ANKRD17: variants seen among roughly 807,000 people sequenced by gnomAD.
ANKRD17 encodes ankyrin repeat domain-containing protein 17.
A neutral mutation model predicts 229.7 loss-of-function variants in ANKRD17; 19 were observed. The observed-to-expected ratio is 0.08, with a 90% CI of 0.06 to 0.12. ANKRD17 has a LOEUF of 0.12. ANKRD17 is among the 10% of genes least tolerant of loss of function. ANKRD17 has a pLI of 1.00. For missense variants in ANKRD17, 2,176 were observed against 3,176.8 expected (o/e 0.68, Z 7.57); for synonymous variants, 1,112 against 1,146.1 (o/e 0.97, Z 0.60).
Position 73,115,924 on chromosome 4 carries a change from AT to A in ANKRD17, c.4189-9del, listed in dbSNP as rs1182845176. The A allele has an allele frequency of 1.2e-6, 2 of 1,610,330 alleles. No homozygotes were observed. The highest frequency in any genetic ancestry group is 1.7e-6 in the Non-Finnish European group (2 of 1,177,152). On this transcript the variant is annotated splice_polypyrimidine_tract_variant and intron_variant, in intron 22 of 33. Transcript: ENST00000358602. ...CACCACCTTCACATGACCCTAAAAA[AT>A]AGATATCAATGTCAGATTGAAAACA...
intron 28 of ANKRD17, 24 bp from the exon 29 acceptor site, chr4:73,092,324 AG>A (rs1170778826): frequency 1.3e-6 from 2 of 1,562,978 alleles, no homozygotes; most frequent in African/African-American, 2.7e-5. Flanking sequence ...AAAAAAAATT[AG>A]GTAGAATTTT....
At position 73,075,880 on chromosome 4, in the gene ANKRD17, G is replaced by A. The variant is rs1481808021; in HGVS notation, c.*351C>T. ...TGCCATTCTAAAACTTCAGGATCAA[G>A]TTTACATAATTTTGCTAAATTTCCG... On this transcript the variant is annotated 3_prime_UTR_variant, in exon 34 of 34. Transcript: ENST00000358602. 2 of 185,744 alleles carry A rather than the reference G, an allele frequency of 1.1e-5. No homozygotes were observed. Among genetic ancestry groups the A allele is most frequent in the African/African-American group, 2.3e-5 (1 of 42,650 alleles). 11.5% of individuals were successfully genotyped at this position (185,744 alleles called of 1,614,324 possible).
intron 16 of ANKRD17, among the ~76,000 whole-genome samples, chr4:73,128,221 A>G (rs1260801279): frequency 6.6e-6 from 1 of 152,272 alleles, no homozygotes. Context: ...ACTGGTAGAT[A>G]TGTGCTTTAA....
rs765257404 is a variant in ANKRD17 at position 73,097,284 on chromosome 4, A to G, written c.5022-12T>C. On this transcript the variant is annotated splice_polypyrimidine_tract_variant and intron_variant, in intron 26 of 33. Transcript: ENST00000358602. Reference sequence around the variant, plus strand: ...TAGTTTCTGACAATCTTTAACAAAGAGAGGGAAAGTACATTAAATATGGAA... The same window carrying G: ...TAGTTTCTGACAATCTTTAACAAAGGGAGGGAAAGTACATTAAATATGGAA... 6.4e-7 allele frequency: 1 copy of G among 1,569,284 alleles called. No homozygotes were observed. The highest frequency in any genetic ancestry group is 1.2e-5 in the South Asian group (1 of 82,430).
chr4:73,140,314 C>G (rs1478878889), intron 14 of ANKRD17, 31 bp from the exon 15 acceptor site: 2 of 1,541,520 alleles, frequency 1.3e-6, no homozygotes. Flanking sequence ...CTCAGAAGTG[C>G]ACATGAATGG....
intron 1 of ANKRD17, among the ~76,000 whole-genome samples, chr4:73,241,051 C>G (rs1300509845): frequency 6.6e-6 from 1 of 151,900 alleles, no homozygotes; most frequent in Non-Finnish European, 1.5e-5. Context: ...GCTCAGGCAA[C>G]CCGCCCACCT....
In ANKRD17 at chr4:73,091,796, G is replaced by T. The variant is rs1179958967; in HGVS notation, c.5832C>A (p.His1944Gln). 9 of 1,614,206 alleles carry T rather than the reference G, an allele frequency of 5.6e-6. No homozygotes were observed. The highest frequency in any genetic ancestry group is 4.4e-5 in the South Asian group (4 of 91,086). ...TCTGATTGCTATGGCGAGGCACCATGTGAGGCTTAGGCGAGTTAGTAGCTC... is the reference window on the plus strand; with the variant it reads ...TCTGATTGCTATGGCGAGGCACCATTTGAGGCTTAGGCGAGTTAGTAGCTC... ...PARATNSPKP[H>Q]MVPRHSNQNS... The change falls in exon 29 of 34, where the codon CAC (histidine) becomes CAA (glutamine). Residue 1944 changes from histidine (H) to glutamine (Q), a missense_variant. His to Gln is a conservative substitution (Grantham distance 24). This residue lies in a region of ANKRD17 where 142 missense variants were observed against 200.4 expected (regional missense o/e 0.71). Coordinates refer to ENST00000358602, the MANE Select transcript of ANKRD17 (RefSeq NM_032217.5).
At chr4:73,146,129 A>G (rs1198273886) in intron 10 of ANKRD17, among the ~76,000 whole-genome samples, 2 of 152,102 alleles carry the variant, frequency 1.3e-5, no homozygotes, top group Non-Finnish European at 2.9e-5. Flanking sequence ...GGCTTCACTC[A>G]TAACATTTTT....
At chr4:73,108,762 G>A (rs1216776851) in intron 24 of ANKRD17, among the ~76,000 whole-genome samples, 2 of 152,110 alleles carry the variant, frequency 1.3e-5, no homozygotes, top group African/African-American at 4.8e-5. Flanking sequence ...TGAAAGCGGC[G>A]GTTCAGGGAT....
At chr4:73,087,956 GA>G (rs368311218) in intron 29 of ANKRD17, among the ~76,000 whole-genome samples, 61 of 150,474 alleles carry the variant, frequency 4.1e-4, no homozygotes, top group East Asian at 2.0e-3. Flanking sequence ...CAAAAGAGAG[GA>G]AAAAAAAGGA....
At position 73,171,908 on chromosome 4, in the gene ANKRD17, G is replaced by A. The variant is rs181075856; in HGVS notation, c.547+5472C>T. On this transcript the variant is annotated intron_variant, in intron 2 of 33. Coordinates refer to ENST00000358602, the MANE Select transcript of ANKRD17 (RefSeq NM_032217.5). ...AAAAGAATAAAAAAGAATGAAGCAT[G>A]CCTACAAGATCCAGAAAACAGCCTC... Among the ~76,000 whole-genome samples the A allele has an allele frequency of 3.5e-3, 535 of 152,232 alleles. 1 individual carries two copies. The highest frequency in any genetic ancestry group is 6.6e-3 in the South Asian group (32 of 4,830).
In ANKRD17 at chr4:73,115,913, G is replaced by T; in HGVS notation, c.4192C>A (p.His1398Asn). 6.2e-7 allele frequency: 1 copy of T among 1,612,952 alleles called. No homozygotes were observed. Residue 1398 changes from histidine (H) to asparagine (N), a missense_variant, in exon 23 of 34, where the codon CAT becomes AAT. By Grantham distance (68) the His-to-Asn change is moderately conservative. Transcript: ENST00000358602. ...TPLMAAFRKG[H>N]VKVVRYLVKE... is the part of the protein sequence containing the mutation. ...ACTAAGTAGCGCACCACCTTCACATGACCCTAAAAAATAGATATCAATGTC... is the reference window on the plus strand; with the variant it reads ...ACTAAGTAGCGCACCACCTTCACATTACCCTAAAAAATAGATATCAATGTC...
intron 26 of ANKRD17, among the ~76,000 whole-genome samples, chr4:73,097,608 A>G (rs2110203285): frequency 6.6e-6 from 1 of 152,090 alleles, no homozygotes; most frequent in Non-Finnish European, 1.5e-5. Flanking sequence ...TAATTAAAAA[A>G]AAAAATTATT....
Position 73,135,230 on chromosome 4 carries a change from G to T in ANKRD17, c.3121C>A (p.Pro1041Thr). ...ATGGATGCAGCAATACTGTGGGTAGGAGTGTTTGACATTGCAGATGCTCTT... is the reference window on the plus strand; with the variant it reads ...ATGGATGCAGCAATACTGTGGGTAGTAGTGTTTGACATTGCAGATGCTCTT... Reference protein sequence around the residue: ...SGRASAMSNTPTHSIAASISQ... With the variant: ...SGRASAMSNTTTHSIAASISQ... Residue 1041 changes from proline to threonine, a missense_variant, in exon 16 of 34, where the codon CCT becomes ACT. This residue lies in a region of ANKRD17 where 230 missense variants were observed against 252.3 expected (regional missense o/e 0.91). Coordinates refer to ENST00000358602, the MANE Select transcript of ANKRD17 (RefSeq NM_032217.5). 1 of 1,613,628 alleles carries T rather than the reference G, an allele frequency of 6.2e-7. No individual in the cohort carries two copies. Among genetic ancestry groups the T allele is most frequent in the South Asian group, 1.1e-5 (1 of 91,030 alleles).
At chr4:73,077,304 T>C in intron 32 of ANKRD17, 51 bp downstream of exon 32, 1 of 1,526,752 alleles carries the variant, frequency 6.5e-7, no homozygotes, top group South Asian at 1.3e-5. Context: ...ATTCAAAACA[T>C]TTTCTCAGAA....
At chr4:73,137,924 T>G (rs1222237365) in intron 15 of ANKRD17, among the ~76,000 whole-genome samples, 1 of 152,162 alleles carries the variant, frequency 6.6e-6, no homozygotes, top group Admixed American at 6.5e-5. Context: ...AGCAAATCAT[T>G]GTTGACAACT....
chr4:73,189,205 C>T (rs558199869), intron 1 of ANKRD17, among the ~76,000 whole-genome samples: 10 of 151,988 alleles, frequency 6.6e-5, no homozygotes, highest in South Asian at 2.1e-4. Flanking sequence ...CAAACCTAAA[C>T]GAGATAACAA....
chr4:73,199,228 TG>T (rs1738315756), intron 1 of ANKRD17, among the ~76,000 whole-genome samples: 5 of 147,246 alleles, frequency 3.4e-5, no homozygotes, highest in Non-Finnish European at 7.5e-5. Flanking sequence ...TGGCTGTGTG[TG>T]TGTGTGTGTG....
At position 73,209,543 on chromosome 4, in the gene ANKRD17, C is replaced by T. The variant is rs1055343838; in HGVS notation, c.394-32010G>A. On this transcript the variant is annotated intron_variant, in intron 1 of 33. Transcript: ENST00000358602. ...AAAACAAAACCCTAGGTGCAGATAG[C>T]TTCACTGGTCAATGCAATCGACCCA... Among the ~76,000 whole-genome samples the T allele has an allele frequency of 2.0e-5, 3 of 152,140 alleles. No individual in the cohort carries two copies. The East Asian group carries it at 5.8e-4, about 29-fold the overall frequency.
Sources: gnomAD v4.1 joint callset for allele counts (sites outside exome capture counted in the v4.1 genomes callset) on GRCh38, gnomAD v4.1.1 for gene constraint, gnomAD v4.1.1 regional missense constraint, MANE v1.5 for transcripts, NCBI Gene and HGNC (gene_info 2026-07-23, HGNC 2026-07-21) for gene names.